Variants in CD2BP2 observed in about 807,000 individuals in gnomAD.
The protein encoded by CD2BP2 is CD2 antigen cytoplasmic tail-binding protein 2.
Under a neutral mutation model 35.9 loss-of-function variants are expected in CD2BP2, and 27 were observed. The observed-to-expected ratio is 0.75, with a 90% CI of 0.55 to 1.04. CD2BP2 has a LOEUF of 1.04. Among genes scored for constraint, CD2BP2 ranks in the 50% least tolerant of loss-of-function variants. The probability of loss-of-function intolerance (pLI) is 0.00; values close to 1 mark genes in which losing one functional copy is unlikely to be tolerated. For missense variants in CD2BP2, 497 were observed against 444.3 expected (o/e 1.12, Z -1.07); for synonymous variants, 213 against 173.5 (o/e 1.23, Z -1.79).
Position 30,354,693 on chromosome 16 carries a change from G to A in CD2BP2, c.-12C>T, listed in dbSNP as rs1313259942. The A allele has an allele frequency of 1.9e-6, 3 of 1,613,644 alleles. No individual in the cohort carries two copies. The highest frequency in any genetic ancestry group is 1.7e-6 in the Non-Finnish European group (2 of 1,179,590). On this transcript the variant is annotated 5_prime_UTR_variant, in exon 2 of 7. Coordinates refer to ENST00000305596, the MANE Select transcript of CD2BP2 (RefSeq NM_006110.3). ...TTCCTCTTTGGCATGACGGGGCAAA[G>A]AGGTGTTTCTCAAGCTGAGGAAAGG...
chr16:30,354,332 G>A lies in CD2BP2; in HGVS notation c.79-10C>T, dbSNP rs765196090. 2.4e-5 allele frequency: 39 copies of A among 1,607,640 alleles called. 1 individual carries two copies. The South Asian group carries it at 4.2e-4, about 17-fold the overall frequency. Reference sequence around the variant, plus strand: ...CCACAGGGTCCACCAGCTGTGAGCAGGAGCCAGAAAGTTGAGAAATGCAGG... The same window carrying A: ...CCACAGGGTCCACCAGCTGTGAGCAAGAGCCAGAAAGTTGAGAAATGCAGG... On this transcript the variant is annotated splice_polypyrimidine_tract_variant and intron_variant, in intron 2 of 6. Coordinates refer to ENST00000305596, the MANE Select transcript of CD2BP2 (RefSeq NM_006110.3).
intron 5 of CD2BP2, 34 bp from the exon 6 acceptor site, chr16:30,353,321 T>G: frequency 6.2e-7 from 1 of 1,613,540 alleles, no homozygotes; most frequent in Non-Finnish European, 8.5e-7. Flanking sequence ...TGGCCTCCAG[T>G]GTCTCACTTC....
chr16:30,354,546 T>C (rs796232384), intron 2 of CD2BP2, 58 bp downstream of exon 2: 3 of 1,571,294 alleles, frequency 1.9e-6, no homozygotes, highest in African/African-American at 2.7e-5. Flanking sequence ...GCCAGCTTTC[T>C]TCCTCTTCAG....
rs990249366 is a variant in CD2BP2, at chr16:30,351,368, C to G, written c.*1617G>C. On this transcript the variant is annotated 3_prime_UTR_variant, in exon 7 of 7. Coordinates refer to ENST00000305596, the MANE Select transcript of CD2BP2 (RefSeq NM_006110.3). The stretch of plus-strand genomic sequence containing the variant: ...TGGGGCCTACAGGAGAACCCTGTAC[C>G]TCAGCAGCCCTGAAACCTGCTTTCC... The G allele has an allele frequency of 2.0e-5, 3 of 152,292 alleles. No homozygotes were observed. The highest frequency in any genetic ancestry group is 7.2e-5 in the African/African-American group (3 of 41,454). 9.4% of individuals were successfully genotyped at this position (152,292 alleles called of 1,614,324 possible). A position where few individuals can be genotyped will look rare whatever the true frequency, so the allele number is the denominator to read the frequency against.
chr16:30,352,744 TC>T lies in CD2BP2; in HGVS notation c.*240del, dbSNP rs1333074694. The T allele has an allele frequency of 7.3e-5, 40 of 550,028 alleles. No individual in the cohort carries two copies. The highest frequency in any genetic ancestry group is 9.6e-4 in the Middle Eastern group (2 of 2,086). The allele number at this position is 550,028 out of a possible 1,614,324, so 34.1% of individuals were successfully genotyped here. ...GGCCACAGGATACCTGACAGGCACC[TC>T]CAAGAAGGATCTTCATGGGAGTACT... On this transcript the variant is annotated 3_prime_UTR_variant, in exon 7 of 7. Transcript: ENST00000305596.
chr16:30,354,076 G>A lies in CD2BP2; in HGVS notation c.218-18C>T, dbSNP rs774536756. ...CTCCTGACCTGCACCAAAGACACAG[G>A]TGCCCTTTTCCAGGCATGGAAAAAA... is the stretch of plus-strand genomic sequence containing the variant. On this transcript the variant is annotated intron_variant, in intron 3 of 6. Coordinates refer to ENST00000305596, the MANE Select transcript of CD2BP2 (RefSeq NM_006110.3). 4.0e-5 allele frequency: 64 copies of A among 1,613,542 alleles called. No homozygotes were observed. The highest frequency in any genetic ancestry group is 6.7e-5 in the Admixed American group (4 of 59,986).
rs746034008 is a variant in CD2BP2, at chr16:30,353,044, C to A, written c.967G>T (p.Asp323Tyr). ...TTGTAGAACTGACCACCAGGGGGGT[C>A]CAGCTTCCGGCAATAAACACCGTCC... ...FPDGVYCRKL[D>Y]PPGGQFYNSK... Residue 323 changes from aspartate to tyrosine, a missense_variant, in exon 7 of 7, where the codon GAC becomes TAC. By Grantham distance (160) the Asp-to-Tyr change is radical (BLOSUM62 -3). Coordinates refer to ENST00000305596, the MANE Select transcript of CD2BP2 (RefSeq NM_006110.3). The A allele has an allele frequency of 2.5e-5, 40 of 1,613,944 alleles. No individual in the cohort carries two copies. The highest frequency in any genetic ancestry group is 3.0e-5 in the Non-Finnish European group (35 of 1,179,992).
rs1448530412 is a variant in CD2BP2 at position 30,352,009 on chromosome 16, G to A, written c.*976C>T. The A allele has an allele frequency of 6.6e-6, 1 of 152,496 alleles. No individual in the cohort carries two copies. Among genetic ancestry groups the A allele is most frequent in the Admixed American group, 6.5e-5 (1 of 15,284 alleles). The allele number at this position is 152,496 out of a possible 1,614,324, so 9.4% of individuals were successfully genotyped here. A position where few individuals can be genotyped will look rare whatever the true frequency, so the allele number is the denominator to read the frequency against. On this transcript the variant is annotated 3_prime_UTR_variant, in exon 7 of 7. Coordinates refer to ENST00000305596, the MANE Select transcript of CD2BP2 (RefSeq NM_006110.3). ...AATGCTGGTGGGGCGTGGAGGTGGA[G>A]GGTGCCAGGCCCAGGCTATAGAATT...
In CD2BP2 at chr16:30,353,089, C is replaced by T. The variant is rs1367384318; in HGVS notation, c.922G>A (p.Val308Met). Residue 308 changes from valine to methionine, a missense_variant, in exon 7 of 7, where the codon GTG becomes ATG. Transcript: ENST00000305596. ...PFTSAQMQTW[V>M]SEGYFPDGVY... is the part of the protein sequence containing the mutation. ...CCGTCCGGGAAGTAGCCTTCACTCA[C>T]CCAGGTCTGCAAGGAGAGGGCAGAG... is the stretch of plus-strand genomic sequence containing the variant. 2 of 1,613,774 alleles carry T rather than the reference C, an allele frequency of 1.2e-6. No individual in the cohort carries two copies. The highest frequency in any genetic ancestry group is 1.7e-5 in the Admixed American group (1 of 60,022).
rs1259024043 is a variant in CD2BP2 at position 30,351,934 on chromosome 16, G to T, written c.*1051C>A. The T allele has an allele frequency of 6.6e-6, 1 of 152,526 alleles. No individual in the cohort carries two copies. Among genetic ancestry groups the T allele is most frequent in the Non-Finnish European group, 1.5e-5 (1 of 68,218 alleles). The allele number at this position is 152,526 out of a possible 1,614,324, so 9.4% of individuals were successfully genotyped here. A position where few individuals can be genotyped will look rare whatever the true frequency, so the allele number is the denominator to read the frequency against. ...CAGGAGACTCCAAGGGGCAGCCAGAGTGCAAAACCGGAAGAAACCATCTAA... is the reference window on the plus strand; with the variant it reads ...CAGGAGACTCCAAGGGGCAGCCAGATTGCAAAACCGGAAGAAACCATCTAA... On this transcript the variant is annotated 3_prime_UTR_variant, in exon 7 of 7. Coordinates refer to ENST00000305596, the MANE Select transcript of CD2BP2 (RefSeq NM_006110.3).
rs1427734643 is a variant in CD2BP2, at chr16:30,354,567, C to T, written c.78+37G>A. The T allele has an allele frequency of 9.4e-6, 15 of 1,597,700 alleles. No individual in the cohort carries two copies. The Middle Eastern group carries it at 5.0e-4, about 53-fold the overall frequency. On this transcript the variant is annotated intron_variant, in intron 2 of 6. Coordinates refer to ENST00000305596, the MANE Select transcript of CD2BP2 (RefSeq NM_006110.3). ...TTTCTTCCTCTTCAGGCTTCTAGCT[C>T]CTCTTTCCCCCACACAAAGCAGTCT...
intron 1 of CD2BP2, 99 bp from the exon 2 acceptor site, chr16:30,354,806 T>C (rs2049521537): frequency 1.0e-5 from 9 of 891,686 alleles, no homozygotes; most frequent in Non-Finnish European, 1.5e-5. Context: ...CAGGTACAGT[T>C]TGGGAGCGGA....
Position 30,353,651 on chromosome 16 carries a change from C to G in CD2BP2, c.525G>C (p.Leu175=), listed in dbSNP as rs774286191. 3 of 1,613,290 alleles carry G rather than the reference C, an allele frequency of 1.9e-6. No homozygotes were observed. The highest frequency in any genetic ancestry group is 2.5e-6 in the Non-Finnish European group (3 of 1,179,800). The change falls in exon 5 of 7, where the codon CTG becomes CTC. Residue 175 remains leucine (L), a synonymous_variant. Transcript: ENST00000305596. ...CTCCTCCTCGGGCCCCCAGACGCCT[C>G]AGTGCCCCAGCCACTGTCTCTCTAG... The part of the protein sequence containing the change: ...LLPRETVAGA[L]RRLGARGGGK...
intron 5 of CD2BP2, 39 bp downstream of exon 5, chr16:30,353,329 T>G (rs757172063): frequency 6.2e-7 from 1 of 1,613,134 alleles, no homozygotes; most frequent in South Asian, 1.1e-5. Context: ...AGTGTCTCAC[T>G]TCCTACCCAC....
Position 30,352,755 on chromosome 16 carries a change from T to A in CD2BP2, c.*230A>T, listed in dbSNP as rs553673912. 2.2e-5 allele frequency: 12 copies of A among 557,558 alleles called. No homozygotes were observed. In the South Asian group the frequency reaches 2.2e-4, roughly 10 times the overall value. The allele number at this position is 557,558 out of a possible 1,614,324, so 34.5% of individuals were successfully genotyped here. On this transcript the variant is annotated 3_prime_UTR_variant, in exon 7 of 7. Coordinates refer to ENST00000305596, the MANE Select transcript of CD2BP2 (RefSeq NM_006110.3). ...ACCTGACAGGCACCTCCAAGAAGGA[T>A]CTTCATGGGAGTACTCAGGGACCAA... is the stretch of plus-strand genomic sequence containing the variant.
chr16:30,354,712 G>T lies in CD2BP2; in HGVS notation c.-26-5C>A, dbSNP rs1461184754. ...GGCAAAGAGGTGTTTCTCAAGCTGA[G>T]GAAAGGATGCAGAGGAAGGGAACCG... On this transcript the variant is annotated splice_polypyrimidine_tract_variant and splice_region_variant and intron_variant, in intron 1 of 6. Transcript: ENST00000305596. 1.2e-6 allele frequency: 2 copies of T among 1,606,838 alleles called. No homozygotes were observed. The highest frequency in any genetic ancestry group is 8.5e-7 in the Non-Finnish European group (1 of 1,173,452).
At chr16:30,354,360 A>G (rs2049515379) in intron 2 of CD2BP2, 38 bp from the exon 3 acceptor site, 1 of 1,596,122 alleles carries the variant, frequency 6.3e-7, no homozygotes, top group African/African-American at 1.4e-5. Context: ...AATGCAGGTT[A>G]CTGGCTACCT....
Position 30,354,794 on chromosome 16 carries a change from G to C in CD2BP2, c.-26-87C>G, listed in dbSNP as rs998241213. On this transcript the variant is annotated intron_variant, in intron 1 of 6. Coordinates refer to ENST00000305596, the MANE Select transcript of CD2BP2 (RefSeq NM_006110.3). ...ACAGCAAACATTTTTCCTGGTCTGT[G>C]ACAGGTACAGTTTGGGAGCGGAGGG... 7 of 962,196 alleles carry C rather than the reference G, an allele frequency of 7.3e-6. No individual in the cohort carries two copies. In the African/African-American group the frequency reaches 8.0e-5, roughly 11 times the overall value. The allele number at this position is 962,196 out of a possible 1,614,324, so 59.6% of individuals were successfully genotyped here.
chr16:30,352,749 G>A lies in CD2BP2; in HGVS notation c.*236C>T. 5 of 558,688 alleles carry A rather than the reference G, an allele frequency of 8.9e-6. No individual in the cohort carries two copies. The highest frequency in any genetic ancestry group is 1.3e-5 in the Non-Finnish European group (4 of 312,590). The allele number at this position is 558,688 out of a possible 1,614,324, so 34.6% of individuals were successfully genotyped here. A position where few individuals can be genotyped will look rare whatever the true frequency, so the allele number is the denominator to read the frequency against. Reference sequence around the variant, plus strand: ...CAGGATACCTGACAGGCACCTCCAAGAAGGATCTTCATGGGAGTACTCAGG... The same window carrying A: ...CAGGATACCTGACAGGCACCTCCAAAAAGGATCTTCATGGGAGTACTCAGG... On this transcript the variant is annotated 3_prime_UTR_variant, in exon 7 of 7. Transcript: ENST00000305596.
Sources: gnomAD v4.1 joint callset for allele counts on GRCh38, gnomAD v4.1.1 for gene constraint, MANE v1.5 for transcripts, NCBI Gene and HGNC (gene_info 2026-07-23, HGNC 2026-07-21) for gene names.